Variants in PCDH7 observed in about 807,000 individuals in gnomAD.
PCDH7 encodes protocadherin 7.
PCDH7 carries 17 observed loss-of-function variants against 58.9 expected under a neutral mutation model. That is an observed-to-expected ratio of 0.29 (90% CI 0.20 to 0.43). PCDH7 has a LOEUF of 0.43. PCDH7 is among the 20% of genes least tolerant of loss of function. PCDH7 has a pLI of 1.00. For missense variants in PCDH7, 1,274 were observed against 1,441.0 expected, an observed-to-expected ratio of 0.88 and a Z score of 1.88; for synonymous variants, 664 against 616.4, an observed-to-expected ratio of 1.08 and a Z score of -1.14.
intron 3 of PCDH7, among the ~76,000 whole-genome samples, chr4:31,138,265 A>G (rs1719853825): frequency 6.6e-6 from 1 of 152,224 alleles, no homozygotes; most frequent in South Asian, 2.1e-4. Flanking sequence ...TTTTTGAGAG[A>G]TAATCTGACT....
chr4:31,082,055 G>A (rs1307187748), intron 3 of PCDH7, among the ~76,000 whole-genome samples: 2 of 152,052 alleles, frequency 1.3e-5, no homozygotes, highest in African/African-American at 4.8e-5. Flanking sequence ...CAAAGTGCTG[G>A]GATTACAGGC....
chr4:31,094,688 T>C (rs1199125054), intron 3 of PCDH7, among the ~76,000 whole-genome samples: 1 of 152,024 alleles, frequency 6.6e-6, no homozygotes, highest in East Asian at 1.9e-4. Flanking sequence ...CTGCCCTTCG[T>C]CCAGATACCA....
intron 3 of PCDH7, among the ~76,000 whole-genome samples, chr4:31,021,250 T>C (rs1351808906): frequency 1.3e-5 from 2 of 152,158 alleles, no homozygotes; most frequent in East Asian, 3.9e-4. Flanking sequence ...CTTTCAGTTG[T>C]TATCTCAAGT....
chr4:30,758,940 G>GTTTTTTTTTT (rs11463767), intron 1 of PCDH7, among the ~76,000 whole-genome samples: 1 of 124,238 alleles, frequency 8.0e-6, no homozygotes, highest in African/African-American at 3.1e-5. Context: ...TTGAAGAAGT[G>GTTTTTTTTTT]TTTTTTTTTT....
At chr4:30,914,504 T>C (rs1742174902) in intron 1 of PCDH7, among the ~76,000 whole-genome samples, 1 of 152,224 alleles carries the variant, frequency 6.6e-6, no homozygotes, top group South Asian at 2.1e-4. Context: ...AGTATTATTG[T>C]ATGTACATAT....
chr4:30,944,511 A>G (rs1746441896), intron 2 of PCDH7, among the ~76,000 whole-genome samples: 1 of 152,152 alleles, frequency 6.6e-6, no homozygotes, highest in African/African-American at 2.4e-5. Context: ...CTTGAAAACC[A>G]AACACATAGG....
chr4:31,070,342 A>G (rs542268595), intron 3 of PCDH7, among the ~76,000 whole-genome samples: 10 of 152,174 alleles, frequency 6.6e-5, no homozygotes, highest in African/African-American at 2.4e-4. Context: ...GACATCTGAC[A>G]ATGAATACTT....
At chr4:30,829,415 C>T (rs559782407) in intron 1 of PCDH7, among the ~76,000 whole-genome samples, 1 of 152,148 alleles carries the variant, frequency 6.6e-6, no homozygotes, top group Middle Eastern at 3.4e-3. Context: ...TAAATGATAT[C>T]ATTCAGCAGA....
chr4:30,738,619 G>A (rs978113064), intron 1 of PCDH7, among the ~76,000 whole-genome samples: 1 of 152,046 alleles, frequency 6.6e-6, no homozygotes, highest in Non-Finnish European at 1.5e-5. Flanking sequence ...AAGTGCATGA[G>A]GGTATATTAA....
chr4:30,976,587 G>A (rs1482331857), intron 3 of PCDH7, among the ~76,000 whole-genome samples: 1 of 151,242 alleles, frequency 6.6e-6, no homozygotes, highest in African/African-American at 2.4e-5. Context: ...TTTTAGTAGA[G>A]ATGGGGTTTC....
At chr4:30,730,491 A>G (rs1460866497) in intron 1 of PCDH7, among the ~76,000 whole-genome samples, 1 of 152,180 alleles carries the variant, frequency 6.6e-6, no homozygotes, top group Non-Finnish European at 1.5e-5. Context: ...GTTTATTTTC[A>G]GGAATGTAGT....
At chr4:30,906,294 G>A (rs1376810954) in intron 1 of PCDH7, among the ~76,000 whole-genome samples, 1 of 152,110 alleles carries the variant, frequency 6.6e-6, no homozygotes, top group Non-Finnish European at 1.5e-5. Flanking sequence ...GAAAAGAATA[G>A]TAAATATCAC....
At chr4:30,952,823 T>A (rs1747492585) in intron 3 of PCDH7, among the ~76,000 whole-genome samples, 1 of 152,110 alleles carries the variant, frequency 6.6e-6, no homozygotes, top group Admixed American at 6.6e-5. Context: ...AGCTATGCAT[T>A]TAGAACTAAA....
intron 1 of PCDH7, among the ~76,000 whole-genome samples, chr4:30,748,572 C>G (rs1165401712): frequency 6.6e-6 from 1 of 152,256 alleles, no homozygotes; most frequent in African/African-American, 2.4e-5. Flanking sequence ...GCATTAATCT[C>G]TTTGTGAGAT....
At chr4:30,801,112 T>C (rs1725471800) in intron 1 of PCDH7, among the ~76,000 whole-genome samples, 2 of 152,268 alleles carry the variant, frequency 1.3e-5, no homozygotes, top group African/African-American at 4.8e-5. Context: ...AAGAAGCATA[T>C]GGACAGAAGG....
intron 3 of PCDH7, among the ~76,000 whole-genome samples, chr4:30,980,854 ATTTTT>A (rs1199626223): frequency 1.3e-5 from 2 of 152,024 alleles, no homozygotes; most frequent in East Asian, 3.9e-4. Context: ...AGTATTTTTT[ATTTTT>A]TTGAGACAGA....
intron 1 of PCDH7, among the ~76,000 whole-genome samples, chr4:30,906,554 A>G (rs1024244224): frequency 1.3e-5 from 2 of 152,210 alleles, no homozygotes; most frequent in African/African-American, 2.4e-5. Flanking sequence ...GCTATACAGT[A>G]TAGTTGAAAA....
intron 3 of PCDH7, among the ~76,000 whole-genome samples, chr4:31,105,759 G>A (rs920980339): frequency 2.0e-5 from 3 of 152,130 alleles, no homozygotes; most frequent in Admixed American, 2.0e-4. Context: ...TGTAATCCCA[G>A]CACTTTAGGA....
intron 3 of PCDH7, among the ~76,000 whole-genome samples, chr4:31,039,811 G>A (rs1337463653): frequency 6.6e-6 from 1 of 152,096 alleles, no homozygotes; most frequent in South Asian, 2.1e-4. Flanking sequence ...TTAAGATCAC[G>A]GAGTAAATTA....
Sources: gnomAD v4.1 joint callset for allele counts (sites outside exome capture counted in the v4.1 genomes callset) on GRCh38, gnomAD v4.1.1 for gene constraint, MANE v1.5 for transcripts, NCBI Gene and HGNC (gene_info 2026-07-23, HGNC 2026-07-21) for gene names.